The following P3H2 variants were observed in gnomAD, a reference collection of about 807,000 sequenced individuals.
P3H2 encodes prolyl 3-hydroxylase 2.
A neutral mutation model predicts 87.0 loss-of-function variants in P3H2; 80 were observed. The observed-to-expected ratio is 0.92, with a 90% CI of 0.77 to 1.11. The LOEUF (loss-of-function observed/expected upper bound fraction) is 1.11, where lower values mean the gene tolerates loss of function less well. P3H2 is among the 50% of genes least tolerant of loss of function. The pLI is 0.00. For synonymous variants in P3H2, 367 were observed against 359.3 expected (o/e 1.02, Z -0.24); for missense variants, 1,001 against 923.9 (o/e 1.08, Z -1.08).
intron 1 of P3H2, among the ~76,000 whole-genome samples, chr3:190,063,990 C>CA: frequency 8.0e-6 from 1 of 124,230 alleles, no homozygotes; most frequent in Non-Finnish European, 1.7e-5. Flanking sequence ...TTAGAATAAA[C>CA]TTTTTTTTTT....
chr3:190,108,589 C>T (rs936271516), intron 1 of P3H2, among the ~76,000 whole-genome samples: 7 of 152,178 alleles, frequency 4.6e-5, no homozygotes, highest in African/African-American at 1.7e-4. Flanking sequence ...TGAATTGACA[C>T]TACATAATCA....
At chr3:189,976,024 A>G (rs183740288) in intron 8 of P3H2, among the ~76,000 whole-genome samples, 53 of 152,322 alleles carry the variant, frequency 3.5e-4, no homozygotes, top group Admixed American at 1.6e-3. Flanking sequence ...TAAAAGCAAG[A>G]CCATAAAATG....
rs917111749 is a variant in P3H2, at chr3:190,022,984, G to A, written c.481-27542C>T. Among the ~76,000 whole-genome samples the A allele has an allele frequency of 3.3e-4, 50 of 151,852 alleles. 2 individuals carry two copies. Among genetic ancestry groups the A allele is most frequent in the African/African-American group, 2.4e-5 (1 of 41,274 alleles). On this transcript the variant is annotated intron_variant, in intron 1 of 14. Coordinates refer to ENST00000319332, the MANE Select transcript of P3H2 (RefSeq NM_018192.4). ...TGGGACTACAGGCACCCACCACCACGCCTGGCTAATTTTTTGTATTTTTAG... is the reference window on the plus strand; with the variant it reads ...TGGGACTACAGGCACCCACCACCACACCTGGCTAATTTTTTGTATTTTTAG...
intron 1 of P3H2, among the ~76,000 whole-genome samples, chr3:190,105,500 C>T (rs1190932873): frequency 1.3e-5 from 2 of 152,008 alleles, no homozygotes; most frequent in African/African-American, 2.4e-5. Context: ...TTGAACATTG[C>T]CTAGTTTATT....
intron 6 of P3H2, among the ~76,000 whole-genome samples, chr3:189,986,461 T>C (rs1248153936): frequency 1.3e-5 from 2 of 151,948 alleles, no homozygotes; most frequent in African/African-American, 2.4e-5. Context: ...TTGTGGCGTG[T>C]GCCTGTAATC....
intron 1 of P3H2, among the ~76,000 whole-genome samples, chr3:190,009,579 GACTC>G (rs1053993789): frequency 6.6e-6 from 1 of 152,120 alleles, no homozygotes; most frequent in Non-Finnish European, 1.5e-5. Flanking sequence ...ATTTCTGGAA[GACTC>G]ACTTTCTGTT....
intron 13 of P3H2, among the ~76,000 whole-genome samples, chr3:189,967,461 TGGA>T (rs1358895396): frequency 2.1e-5 from 3 of 145,722 alleles, no homozygotes; most frequent in Non-Finnish European, 4.5e-5. Flanking sequence ...GGCCACTAGA[TGGA>T]GGAGAAGCAA....
In P3H2 at chr3:190,022,987, T is replaced by A. The variant is rs564786180; in HGVS notation, c.481-27545A>T. On this transcript the variant is annotated intron_variant, in intron 1 of 14. Transcript: ENST00000319332. ...GACTACAGGCACCCACCACCACGCC[T>A]GGCTAATTTTTTGTATTTTTAGTAG... Among the ~76,000 whole-genome samples, 3 of 151,974 alleles carry A rather than the reference T, an allele frequency of 2.0e-5. No homozygotes were observed. In the East Asian group the frequency reaches 5.8e-4, roughly 30 times the overall value.
At chr3:189,971,752 C>A (rs1010358727) in intron 12 of P3H2, 138 bp downstream of exon 12, 9 of 694,054 alleles carry the variant, frequency 1.3e-5, no homozygotes, top group Admixed American at 8.2e-5. Flanking sequence ...GTTATGGCAG[C>A]TACTTCAGAA....
chr3:189,987,404 G>A (rs1348394292), intron 5 of P3H2, 123 bp downstream of exon 5: 19 of 1,090,292 alleles, frequency 1.7e-5, no homozygotes, highest in African/African-American at 4.8e-5. Flanking sequence ...GCTTGAACCC[G>A]GGAGGCGGAG....
intron 1 of P3H2, among the ~76,000 whole-genome samples, chr3:190,082,861 A>G (rs536051554): frequency 1.3e-5 from 2 of 152,324 alleles, no homozygotes; most frequent in South Asian, 4.1e-4. Flanking sequence ...TTTACCATTA[A>G]TATGAACAGT....
At chr3:190,004,896 G>C (rs1205856947) in intron 1 of P3H2, among the ~76,000 whole-genome samples, 1 of 152,012 alleles carries the variant, frequency 6.6e-6, no homozygotes, top group African/African-American at 2.4e-5. Context: ...ACAGCTAAAA[G>C]TCAGCTTCCT....
chr3:190,025,022 G>A (rs1016802432), intron 1 of P3H2, among the ~76,000 whole-genome samples: 3 of 152,028 alleles, frequency 2.0e-5, no homozygotes, highest in African/African-American at 4.8e-5. Flanking sequence ...ACTCTTAAAG[G>A]AACTATACAA....
intron 13 of P3H2, chr3:189,969,473 C>G: frequency 1.1e-6 from 1 of 922,298 alleles, no homozygotes; most frequent in Non-Finnish European, 1.8e-6. Flanking sequence ...TCTAGCACAA[C>G]AATGACTTCC....
intron 8 of P3H2, among the ~76,000 whole-genome samples, chr3:189,979,686 G>A (rs1339669709): frequency 6.6e-6 from 1 of 152,088 alleles, no homozygotes; most frequent in African/African-American, 2.4e-5. Context: ...GGTGGGCTGA[G>A]CACAGTGGCT....
At position 189,994,329 on chromosome 3, in the gene P3H2, C is replaced by CA. The variant is rs747709186; in HGVS notation, c.634-47dup. On this transcript the variant is annotated intron_variant, in intron 2 of 14. Transcript: ENST00000319332. ...AAAAACAAACAAACAAACAAACAAA[C>CA]AAACAAAAAAACCCTTATTTTCAAA... 2.1e-4 allele frequency: 322 copies of CA among 1,509,558 alleles called. No individual in the cohort carries two copies. In the African/African-American group the frequency reaches 4.1e-3, roughly 19 times the overall value. 93.5% of individuals were successfully genotyped at this position (1,509,558 alleles called of 1,614,324 possible). A position where few individuals can be genotyped will look rare whatever the true frequency, so the allele number is the denominator to read the frequency against.
intron 1 of P3H2, among the ~76,000 whole-genome samples, chr3:190,108,139 T>C (rs1711922473): frequency 6.6e-6 from 1 of 151,764 alleles, no homozygotes; most frequent in Non-Finnish European, 1.5e-5. Flanking sequence ...AATGGCAGGT[T>C]TCACACACCA....
rs710559 is a variant in P3H2 at position 189,984,794 on chromosome 3, A to C, written c.1189-204T>G. Among the ~76,000 whole-genome samples, 116,275 of 152,024 alleles carry C rather than the reference A, an allele frequency of 0.76. 44,956 individuals carry two copies. Among genetic ancestry groups the C allele is most frequent in the East Asian group, 0.92 (4,749 of 5,168 alleles). ...AAAGTTAGTGGAGATTTGGCAAGGA[A>C]AAAATGAAATACAAGTCGAGTTTTC... On this transcript the variant is annotated intron_variant, in intron 6 of 14. Coordinates refer to ENST00000319332, the MANE Select transcript of P3H2 (RefSeq NM_018192.4).
chr3:190,027,967 CA>C (rs10712952), intron 1 of P3H2, among the ~76,000 whole-genome samples: 41,300 of 136,556 alleles, frequency 0.3, 5,695 homozygotes, highest in East Asian at 0.44. Context: ...GACTCCATCG[CA>C]AAAAAAAAAA....
Sources: gnomAD v4.1 joint callset for allele counts (sites outside exome capture counted in the v4.1 genomes callset) on GRCh38, gnomAD v4.1.1 for gene constraint, MANE v1.5 for transcripts, NCBI Gene and HGNC (gene_info 2026-07-23, HGNC 2026-07-21) for gene names.